The following TP63 variants were observed in gnomAD, a reference collection of about 807,000 sequenced individuals.
TP63 encodes the protein tumor protein 63.
Under a neutral mutation model 82.8 loss-of-function variants are expected in TP63, and 17 were observed. The ratio of observed to expected loss-of-function variants is 0.21; its 90% CI spans 0.14 to 0.31. The LOEUF is 0.31. TP63 is among the 10% of genes least tolerant of loss of function. TP63 has a pLI of 1.00. For missense variants in TP63, 648 were observed against 895.3 expected (o/e 0.72, Z 3.52); for synonymous variants, 330 against 321.7 (o/e 1.03, Z -0.28).
chr3:189,639,446 C>T (rs746979599), intron 1 of TP63, among the ~76,000 whole-genome samples: 4 of 152,128 alleles, frequency 2.6e-5, no homozygotes, highest in African/African-American at 4.8e-5. Flanking sequence ...CTTCCATTCT[C>T]TACTTAATCT....
chr3:189,781,503 C>T (rs188580883), intron 3 of TP63, among the ~76,000 whole-genome samples: 2 of 152,242 alleles, frequency 1.3e-5, no homozygotes, highest in African/African-American at 4.8e-5. Flanking sequence ...CAGAGACGGA[C>T]GCTAGAACTC....
chr3:189,856,448 A>G (rs922618965), intron 4 of TP63, among the ~76,000 whole-genome samples: 1 of 151,988 alleles, frequency 6.6e-6, no homozygotes, highest in Non-Finnish European at 1.5e-5. Flanking sequence ...AAAAAACGTG[A>G]AAGTCTAAAA....
In TP63 at chr3:189,886,418, A is replaced by G. The variant is rs141794685; in HGVS notation, c.1374A>G (p.Ser458=). 1.5e-5 allele frequency: 24 copies of G among 1,614,028 alleles called. No homozygotes were observed. The highest frequency in any genetic ancestry group is 2.0e-5 in the Non-Finnish European group (24 of 1,180,018). ...QKQTSIQSPS[S]YGNSSPPLNK... Reference sequence around the variant, plus strand: ...GGACCTCAATACAGTCTCCATCTTCATATGGTAACAGCTCCCCACCTCTGA... The same window carrying G: ...GGACCTCAATACAGTCTCCATCTTCGTATGGTAACAGCTCCCCACCTCTGA... The change falls in exon 11 of 14, where the codon TCA becomes TCG. Residue 458 remains serine (S), a synonymous_variant. Coordinates refer to ENST00000264731, the MANE Select transcript of TP63 (RefSeq NM_003722.5).
intron 1 of TP63, among the ~76,000 whole-genome samples, chr3:189,708,742 C>G (rs754205554): frequency 3.3e-5 from 5 of 152,148 alleles, no homozygotes; most frequent in Admixed American, 6.5e-5. Flanking sequence ...CACTATTCTA[C>G]TAGAATCTAT....
chr3:189,617,404 A>G, the TP63 span, among the ~76,000 whole-genome samples: 1 of 152,216 alleles, frequency 6.6e-6, no homozygotes, highest in Non-Finnish European at 1.5e-5. Flanking sequence ...ATGAGAATAA[A>G]CAAAAATATA....
At chr3:189,860,823 AGTT>A (rs1716941948) in intron 4 of TP63, among the ~76,000 whole-genome samples, 1 of 152,132 alleles carries the variant, frequency 6.6e-6, no homozygotes, top group Non-Finnish European at 1.5e-5. Context: ...TTGTTGTTGT[AGTT>A]GTTGTTGCTT....
At position 189,808,313 on chromosome 3, in the gene TP63, G is replaced by C. The variant is rs201774402; in HGVS notation, c.366G>C (p.Gln122His). 6.2e-7 allele frequency: 1 copy of C among 1,614,212 alleles called. No individual in the cohort carries two copies. Among genetic ancestry groups the C allele is most frequent in the South Asian group, 1.1e-5 (1 of 91,084 alleles). Reference protein sequence around the residue: ...TNLGLLNSMDQQIQNGSSSTS... With the variant: ...TNLGLLNSMDHQIQNGSSSTS... ...TGGGGCTCCTGAACAGCATGGACCA[G>C]CAGATTCAGAACGGCTCCTCGTCCA... Residue 122 changes from glutamine (Q) to histidine (H), a missense_variant, in exon 4 of 14, where the codon CAG becomes CAC. Gln to His is a conservative substitution (Grantham distance 24, BLOSUM62 0). This residue lies in a region of TP63 where 182 missense variants were observed against 213.6 expected (regional missense o/e 0.85). Coordinates refer to ENST00000264731, the MANE Select transcript of TP63 (RefSeq NM_003722.5).
At chr3:189,654,763 G>A (rs1360000751) in intron 1 of TP63, among the ~76,000 whole-genome samples, 4 of 152,176 alleles carry the variant, frequency 2.6e-5, no homozygotes, top group Admixed American at 2.0e-4. Flanking sequence ...AAATTTTTGT[G>A]TGTGCTGAGT....
At chr3:189,654,423 C>T (rs74344515) in intron 1 of TP63, among the ~76,000 whole-genome samples, 2,050 of 152,174 alleles carry the variant, frequency 0.013, 25 homozygotes, top group East Asian at 0.045. Context: ...ATTTTGTTTA[C>T]TGGCTTTGAT....
At chr3:189,694,613 G>A (rs1011155782) in intron 1 of TP63, among the ~76,000 whole-genome samples, 5 of 151,880 alleles carry the variant, frequency 3.3e-5, no homozygotes, top group African/African-American at 1.2e-4. Context: ...TGCAGGTAAA[G>A]TGCCATTTTC....
intron 1 of TP63, chr3:189,645,439 T>G (rs1712329696): frequency 2.7e-6 from 1 of 371,482 alleles, no homozygotes; most frequent in South Asian, 5.2e-5. Flanking sequence ...AGCTGGTCTA[T>G]TTCTAGGATT....
chr3:189,833,124 G>A (rs550582102), intron 4 of TP63, among the ~76,000 whole-genome samples: 31 of 152,148 alleles, frequency 2.0e-4, no homozygotes, highest in Non-Finnish European at 4.1e-4. Context: ...ACCACCATGA[G>A]GTTGAAAAAT....
At chr3:189,847,169 T>C (rs1013738696) in intron 4 of TP63, among the ~76,000 whole-genome samples, 9 of 151,184 alleles carry the variant, frequency 6.0e-5, no homozygotes. Context: ...ACCAGCCTGG[T>C]CAACATGGTG....
At position 189,895,307 on chromosome 3, in the gene TP63, C is replaced by G. The variant is rs1458106470; in HGVS notation, c.*805C>G. On this transcript the variant is annotated 3_prime_UTR_variant, in exon 14 of 14. Coordinates refer to ENST00000264731, the MANE Select transcript of TP63 (RefSeq NM_003722.5). ...GGAATGAGGAAAATTCTTAAAAGGC[C>G]CATAGCAGCCAGTTCAAAAACACCC... 4.6e-6 allele frequency: 1 copy of G among 219,620 alleles called. No individual in the cohort carries two copies. Among genetic ancestry groups the G allele is most frequent in the Non-Finnish European group, 9.1e-6 (1 of 109,744 alleles). 13.6% of individuals were successfully genotyped at this position (219,620 alleles called of 1,614,324 possible).
At chr3:189,756,547 AT>A in intron 3 of TP63, among the ~76,000 whole-genome samples, 1 of 152,046 alleles carries the variant, frequency 6.6e-6, no homozygotes, top group East Asian at 1.9e-4. Context: ...TCTTTCTTCT[AT>A]TCTCTAGAAA....
intron 1 of TP63, among the ~76,000 whole-genome samples, chr3:189,708,545 G>A (rs994528821): frequency 6.6e-6 from 1 of 152,170 alleles, no homozygotes; most frequent in Non-Finnish European, 1.5e-5. Flanking sequence ...GAGATGGCAT[G>A]CCAAAGTGGC....
the TP63 span, among the ~76,000 whole-genome samples, chr3:189,616,739 A>G: frequency 0.4 from 60,185 of 152,028 alleles, 13,172 homozygotes; most frequent in Middle Eastern, 0.63. Flanking sequence ...AGTTCCAGAC[A>G]TATGGTCATG....
At chr3:189,884,235 A>G (rs1720207673) in intron 10 of TP63, among the ~76,000 whole-genome samples, 1 of 152,174 alleles carries the variant, frequency 6.6e-6, no homozygotes, top group Admixed American at 6.5e-5. Flanking sequence ...GGATGAGCCT[A>G]AGTGCAGCCA....
intron 3 of TP63, among the ~76,000 whole-genome samples, chr3:189,782,106 T>G (rs963833687): frequency 1.3e-5 from 2 of 152,204 alleles, no homozygotes; most frequent in African/African-American, 4.8e-5. Flanking sequence ...AACAGTGCCC[T>G]TTCATGCATG....
Sources: allele counts gnomAD v4.1 joint callset (sites outside exome capture counted in the v4.1 genomes callset), GRCh38; gene constraint gnomAD v4.1.1; regional missense constraint gnomAD v4.1.1; transcripts MANE v1.5; gene names NCBI Gene and HGNC (gene_info 2026-07-23, HGNC 2026-07-21).